The following CCDC102A variants were observed in gnomAD, a reference collection of about 807,000 sequenced individuals.
CCDC102A encodes the protein coiled-coil domain-containing protein 102A.
CCDC102A carries 40 observed loss-of-function variants against 55.5 expected under a neutral mutation model. That is an observed-to-expected ratio of 0.72 (90% CI 0.56 to 0.94). The LOEUF is 0.94. Among genes scored for constraint, CCDC102A ranks in the 40% least tolerant of loss-of-function variants. The pLI is 0.00. For missense variants in CCDC102A, 779 were observed against 768.6 expected, an observed-to-expected ratio of 1.01 and a Z score of -0.16; for synonymous variants, 323 against 339.0, an observed-to-expected ratio of 0.95 and a Z score of 0.52.
At chr16:57,526,312 C>A (rs1159404719) in intron 2 of CCDC102A, among the ~76,000 whole-genome samples, 185 bp from the exon 3 acceptor site, 1 of 152,214 alleles carries the variant, frequency 6.6e-6, no homozygotes, top group Non-Finnish European at 1.5e-5. Context: ...CCCCTTTCAC[C>A]TCCTGGAGCT....
rs548823050 is a variant in CCDC102A, at chr16:57,516,239, C to G, written c.1419+54G>C. On this transcript the variant is annotated intron_variant, in intron 7 of 8. Coordinates refer to ENST00000258214, the MANE Select transcript of CCDC102A (RefSeq NM_033212.4). The surrounding 1 kb of genome is among the most constrained non-coding windows in gnomAD (Gnocchi z 4.4). The stretch of plus-strand genomic sequence containing the variant: ...AGAAGCCAGGATGGCCCTGCGGCCC[C>G]CACTCCTCCCTGGCCAAGGTCTGTT... 3.8e-6 allele frequency: 6 copies of G among 1,563,484 alleles called. No homozygotes were observed. The highest frequency in any genetic ancestry group is 4.3e-6 in the Non-Finnish European group (5 of 1,151,368).
At chr16:57,532,545 T>TG (rs2032285943) in intron 1 of CCDC102A, among the ~76,000 whole-genome samples, 1 of 152,064 alleles carries the variant, frequency 6.6e-6, no homozygotes, top group Admixed American at 6.5e-5. Context: ...GACACACATA[T>TG]GCTCAGATGG....
Position 57,516,286 on chromosome 16 carries a change from T to C in CCDC102A, c.1419+7A>G. The stretch of plus-strand genomic sequence containing the variant: ...TGTTGCTGCCCCTGCCCCTCTGTGG[T>C]CCTCACCTCGTCCTCAGCCTGGGCC... On this transcript the variant is annotated splice_region_variant and intron_variant, in intron 7 of 8. Coordinates refer to ENST00000258214, the MANE Select transcript of CCDC102A (RefSeq NM_033212.4). The surrounding 1 kb of genome is among the most constrained non-coding windows in gnomAD (Gnocchi z 4.4). 6.2e-7 allele frequency: 1 copy of C among 1,602,970 alleles called. No homozygotes were observed. Among genetic ancestry groups the C allele is most frequent in the Non-Finnish European group, 8.5e-7 (1 of 1,179,804 alleles).
chr16:57,524,702 G>A (rs1172947678), intron 3 of CCDC102A, among the ~76,000 whole-genome samples: 1 of 144,936 alleles, frequency 6.9e-6, no homozygotes, highest in Non-Finnish European at 1.5e-5. Flanking sequence ...CACTGCACCT[G>A]GCCATTATAT....
chr16:57,518,319 G>A (rs1225187787), intron 5 of CCDC102A, 42 bp from the exon 6 acceptor site: 1 of 1,579,712 alleles, frequency 6.3e-7, no homozygotes, highest in Admixed American at 1.7e-5. Context: ...CAGCGGAGGG[G>A]GCATGCAGGG....
chr16:57,536,322 G>A (rs989232219), intron 1 of CCDC102A, among the ~76,000 whole-genome samples, 178 bp downstream of exon 1: 3 of 152,126 alleles, frequency 2.0e-5, no homozygotes, highest in Admixed American at 6.5e-5. Context: ...GGGAGGCCGG[G>A]GAGGCGTCTA....
In CCDC102A at chr16:57,512,642, T is replaced by A. The variant is rs2031885356; in HGVS notation, c.*99A>T. 6.9e-7 allele frequency: 1 copy of A among 1,447,676 alleles called. No individual in the cohort carries two copies. The highest frequency in any genetic ancestry group is 2.1e-5 in the Admixed American group (1 of 46,800). The allele number at this position is 1,447,676 out of a possible 1,614,324, so 89.7% of individuals were successfully genotyped here. A position where few individuals can be genotyped will look rare whatever the true frequency, so the allele number is the denominator to read the frequency against. On this transcript the variant is annotated 3_prime_UTR_variant, in exon 9 of 9. Transcript: ENST00000258214. ...GAAAGTCGGCTGTGGCAGGGACTGG[T>A]CCCAGAGTGAGCCTAGGCACTGCAT...
At chr16:57,520,855 G>A (rs2032037087) in intron 4 of CCDC102A, among the ~76,000 whole-genome samples, 2 of 150,796 alleles carry the variant, frequency 1.3e-5, no homozygotes, top group South Asian at 2.1e-4. Flanking sequence ...CAGGAGAATC[G>A]CTTGAACCCG....
At chr16:57,512,900 G>T in intron 8 of CCDC102A, 30 bp from the exon 9 acceptor site, 1 of 1,602,806 alleles carries the variant, frequency 6.2e-7, no homozygotes, top group Non-Finnish European at 8.5e-7. Flanking sequence ...GGAGGTTAGA[G>T]CAGCCTGGCT....
Position 57,518,230 on chromosome 16 carries a change from C to T in CCDC102A, c.1086G>A (p.Glu362=), listed in dbSNP as rs1396131435. ...GGCCCAGTTTCTCTGTCTCCAGCCG[C>T]TCCCGGCGGCCCCACTCCGCAGCGT... ...AENAAEWGRR[E]RLETEKLGLE... Residue 362 remains glutamate, a synonymous_variant, in exon 6 of 9, where the codon GAG becomes GAA. Coordinates refer to ENST00000258214, the MANE Select transcript of CCDC102A (RefSeq NM_033212.4). 3.1e-6 allele frequency: 5 copies of T among 1,611,968 alleles called. No homozygotes were observed. The highest frequency in any genetic ancestry group is 2.2e-5 in the East Asian group (1 of 44,882).
intron 8 of CCDC102A, among the ~76,000 whole-genome samples, chr16:57,514,661 T>G (rs1434278136): frequency 6.6e-6 from 1 of 152,224 alleles, no homozygotes; most frequent in Non-Finnish European, 1.5e-5. Context: ...TTCAGACCAT[T>G]CAGGCAGTCT....
Position 57,515,366 on chromosome 16 carries a change from C to G in CCDC102A, c.1498G>C (p.Val500Leu). The G allele has an allele frequency of 1.2e-6, 2 of 1,606,334 alleles. No homozygotes were observed. Among genetic ancestry groups the G allele is most frequent in the Non-Finnish European group, 1.7e-6 (2 of 1,177,120 alleles). ...CTGGACTGCAGGTGCTCCAGTTGCA[C>G]TTGCAGGTTCTCGCTCTGCTCCGTC... ...EQTEQSENLQ[V>L]QLEHLQSRLR... Residue 500 changes from valine (V) to leucine (L), a missense_variant, in exon 8 of 9, where the codon GTG (valine) becomes CTG (leucine). Physicochemically the swap from Val to Leu is conservative, Grantham distance 32. Transcript: ENST00000258214.
chr16:57,522,034 C>A (rs1301947452), intron 3 of CCDC102A, among the ~76,000 whole-genome samples: 5 of 152,210 alleles, frequency 3.3e-5, no homozygotes. Flanking sequence ...CCCTGCAATG[C>A]CCTGGGCGTC....
At position 57,516,650 on chromosome 16, in the gene CCDC102A, G is replaced by A. The variant is rs564399907; in HGVS notation, c.1249-187C>T. Reference sequence around the variant, plus strand: ...GGCTGAGCAGCCAGAGGCTGGAGGTGCCTTCCAGGGAGGTGAGAAGGCTGG... The same window carrying A: ...GGCTGAGCAGCCAGAGGCTGGAGGTACCTTCCAGGGAGGTGAGAAGGCTGG... On this transcript the variant is annotated intron_variant, in intron 6 of 8. Transcript: ENST00000258214. The surrounding 1 kb of genome is among the most constrained non-coding windows in gnomAD (Gnocchi z 4.4). The A allele has an allele frequency of 8.6e-4, 524 of 608,874 alleles. 8 individuals are homozygous for A. The South Asian group carries it at 0.01, about 12-fold the overall frequency. The allele number at this position is 608,874 out of a possible 1,614,324, so 37.7% of individuals were successfully genotyped here. A position where few individuals can be genotyped will look rare whatever the true frequency, so the allele number is the denominator to read the frequency against.
chr16:57,520,536 A>AATAACATAACATAAC (rs56888001), intron 4 of CCDC102A, among the ~76,000 whole-genome samples: 6,745 of 124,652 alleles, frequency 0.054, 305 homozygotes, highest in South Asian at 0.096. Context: ...ACTCAGAAAA[A>AATAACATAACATAAC]ATAACATAAC....
At chr16:57,532,383 A>G (rs1278445647) in intron 1 of CCDC102A, among the ~76,000 whole-genome samples, 2 of 151,984 alleles carry the variant, frequency 1.3e-5, no homozygotes, top group African/African-American at 4.8e-5. Context: ...CACCACTGAC[A>G]CCCCAGGAGA....
intron 3 of CCDC102A, among the ~76,000 whole-genome samples, chr16:57,525,124 C>T (rs2032114438): frequency 6.6e-6 from 1 of 151,866 alleles, no homozygotes; most frequent in African/African-American, 2.4e-5. Context: ...GAGACAGAGT[C>T]TTGCTCTGTC....
At position 57,516,533 on chromosome 16, in the gene CCDC102A, T is replaced by C. The variant is rs1321772356; in HGVS notation, c.1249-70A>G. On this transcript the variant is annotated intron_variant, in intron 6 of 8. Transcript: ENST00000258214. The surrounding 1 kb of genome is among the most constrained non-coding windows in gnomAD (Gnocchi z 4.4). Reference sequence around the variant, plus strand: ...TCAGCTTGGGCGCCATGCCAGGGAGTCCCACGAGGTCAGGCAGTTCTAGGG... The same window carrying C: ...TCAGCTTGGGCGCCATGCCAGGGAGCCCCACGAGGTCAGGCAGTTCTAGGG... 2.2e-6 allele frequency: 3 copies of C among 1,344,138 alleles called. No homozygotes were observed. The highest frequency in any genetic ancestry group is 2.4e-5 in the East Asian group (1 of 42,552). The allele number at this position is 1,344,138 out of a possible 1,614,324, so 83.3% of individuals were successfully genotyped here.
intron 2 of CCDC102A, 90 bp downstream of exon 2, chr16:57,528,503 T>C (rs1166345685): frequency 2.1e-6 from 2 of 955,812 alleles, no homozygotes; most frequent in African/African-American, 1.8e-5. Context: ...GCCAGGCCTT[T>C]ACTAGCTTGT....
Sources: gnomAD v4.1 joint callset for allele counts (sites outside exome capture counted in the v4.1 genomes callset) on GRCh38, gnomAD v4.1.1 for gene constraint, Gnocchi (gnomAD v3.1) non-coding constraint, MANE v1.5 for transcripts, NCBI Gene and HGNC (gene_info 2026-07-23, HGNC 2026-07-21) for gene names.